PHACTR2: variants seen among roughly 807,000 people sequenced by gnomAD.
PHACTR2 encodes chromosome 6 open reading frame 56.
In PHACTR2, 30 loss-of-function variants were observed where a neutral mutation model predicts 76.0. The ratio of observed to expected loss-of-function variants is 0.39; its 90% confidence interval spans 0.30 to 0.54. PHACTR2 has a LOEUF of 0.54. Among genes scored for constraint, PHACTR2 ranks in the 20% least tolerant of loss-of-function variants. The pLI, the probability that PHACTR2 is intolerant of heterozygous loss-of-function variation, is 0.61. For missense variants in PHACTR2, 696 were observed against 781.1 expected (o/e 0.89, Z 1.30); for synonymous variants, 292 against 292.5 (o/e 1.00, Z 0.02).
chr6:143,538,435 T>G (rs1056646888), intron 1 of PHACTR2, among the ~76,000 whole-genome samples: 1 of 152,240 alleles, frequency 6.6e-6, no homozygotes, highest in Admixed American at 6.5e-5. Flanking sequence ...TGCGTCAAGT[T>G]TCCACCAGTT....
At chr6:143,579,632 A>AC (rs1475297555) in intron 1 of PHACTR2, among the ~76,000 whole-genome samples, 3 of 152,078 alleles carry the variant, frequency 2.0e-5, no homozygotes, top group Non-Finnish European at 4.4e-5. Context: ...ACTCAGTGAG[A>AC]CCTGGGAAGG....
chr6:143,814,957 T>C (rs1444431524), intron 12 of PHACTR2, among the ~76,000 whole-genome samples: 1 of 152,152 alleles, frequency 6.6e-6, no homozygotes, highest in Non-Finnish European at 1.5e-5. Context: ...GAGGTGTTAC[T>C]ATCCTATGTG....
chr6:143,705,725 A>G (rs1247586112), intron 1 of PHACTR2, among the ~76,000 whole-genome samples: 1 of 152,192 alleles, frequency 6.6e-6, no homozygotes, highest in African/African-American at 2.4e-5. Flanking sequence ...CTTATATCAT[A>G]TCAAGAGTAC....
In PHACTR2 at chr6:143,705,878, C is replaced by T. The variant is rs749628485; in HGVS notation, c.47-6138C>T. Reference sequence around the variant, plus strand: ...TTTGGAAGGAAGTCACTATGGATAGCCCACATTTAAGCAGTTAGGAGTTAA... The same window carrying T: ...TTTGGAAGGAAGTCACTATGGATAGTCCACATTTAAGCAGTTAGGAGTTAA... On this transcript the variant is annotated intron_variant, in intron 1 of 12. Transcript: ENST00000440869. Among the ~76,000 whole-genome samples the T allele has an allele frequency of 1.1e-3, 171 of 152,290 alleles. 1 individual carries two copies. The highest frequency in any genetic ancestry group is 1.8e-3 in the Non-Finnish European group (122 of 68,018).
chr6:143,709,494 T>A lies in PHACTR2; in HGVS notation c.47-2522T>A, dbSNP rs1328395937. 6.6e-6 allele frequency among the ~76,000 whole-genome samples: 1 copy of A among 152,236 alleles called. No homozygotes were observed. Among genetic ancestry groups the A allele is most frequent in the Non-Finnish European group, 1.5e-5 (1 of 68,026 alleles). On this transcript the variant is annotated intron_variant, in intron 1 of 12. Transcript: ENST00000440869. The surrounding 1 kb of genome is among the most constrained non-coding windows in gnomAD (Gnocchi z 4.4). The stretch of plus-strand genomic sequence containing the variant: ...TGTCAAGTGATTTTCGATGGAAACT[T>A]GGACATTTTTGTATTATGTTATGTG...
chr6:143,712,486 A>G (rs1456954225), intron 2 of PHACTR2: 1 of 153,910 alleles, frequency 6.5e-6, no homozygotes, highest in Admixed American at 6.5e-5. Flanking sequence ...TGGAAATGCT[A>G]TTCATCAACA....
chr6:143,761,577 A>G lies in PHACTR2; in HGVS notation c.694+937A>G, dbSNP rs1779442807. Among the ~76,000 whole-genome samples the G allele has an allele frequency of 6.6e-6, 1 of 152,116 alleles. No homozygotes were observed. The highest frequency in any genetic ancestry group is 1.5e-5 in the Non-Finnish European group (1 of 68,026). On this transcript the variant is annotated intron_variant, in intron 5 of 12. Transcript: ENST00000440869. This position sits in a 1 kb window ranked among gnomAD's most constrained non-coding sequence, Gnocchi z 5.2. ...GAGACCAACCTGGTCAACATGGTGA[A>G]ACCCTGTCTCTGCTAAAAATACAAG...
intron 1 of PHACTR2, among the ~76,000 whole-genome samples, chr6:143,637,843 C>G (rs1205482200): frequency 6.6e-6 from 1 of 152,168 alleles, no homozygotes; most frequent in Non-Finnish European, 1.5e-5. Flanking sequence ...CTTTGGCAAA[C>G]GTGATAACAT....
chr6:143,653,644 C>G lies in PHACTR2; in HGVS notation c.13+45322C>G, dbSNP rs1776799906. 6.6e-6 allele frequency among the ~76,000 whole-genome samples: 1 copy of G among 151,408 alleles called. No individual in the cohort carries two copies. The highest frequency in any genetic ancestry group is 1.5e-5 in the Non-Finnish European group (1 of 67,916). On this transcript the variant is annotated intron_variant, in intron 1 of 11. Transcript: ENST00000305766. This position sits in a 1 kb window ranked among gnomAD's most constrained non-coding sequence, Gnocchi z 4.9. ...AGAAATGTCTTATCAGCAAACAGTGCTAGGGCAACTAGATATCTATGTGAA... is the reference window on the plus strand; with the variant it reads ...AGAAATGTCTTATCAGCAAACAGTGGTAGGGCAACTAGATATCTATGTGAA...
At chr6:143,657,500 C>A (rs747736128) in intron 1 of PHACTR2, among the ~76,000 whole-genome samples, 7 of 152,096 alleles carry the variant, frequency 4.6e-5, no homozygotes, top group African/African-American at 7.2e-5. Flanking sequence ...TTCTTACACT[C>A]AGGAAAATGG....
Position 143,712,202 on chromosome 6 carries a change from G to A in PHACTR2, c.214+19G>A. On this transcript the variant is annotated intron_variant, in intron 2 of 12. Coordinates refer to ENST00000440869, the MANE Select transcript of PHACTR2 (RefSeq NM_001100164.2). ...TCGGCAGGTATGAGTATCATAACTT[G>A]TTAGAAGATGGGATAAATTGTAAAA... is the stretch of plus-strand genomic sequence containing the variant. 7.3e-7 allele frequency: 1 copy of A among 1,378,290 alleles called. No homozygotes were observed. Among genetic ancestry groups the A allele is most frequent in the South Asian group, 2.0e-5 (1 of 50,546 alleles). The allele number at this position is 1,378,290 out of a possible 1,614,324, so 85.4% of individuals were successfully genotyped here.
At chr6:143,600,605 T>A (rs2128435745) in intron 1 of PHACTR2, among the ~76,000 whole-genome samples, 1 of 152,386 alleles carries the variant, frequency 6.6e-6, no homozygotes, top group Middle Eastern at 3.4e-3. Context: ...CCTTCAGGAA[T>A]AATTTTTAAA....
At position 143,753,807 on chromosome 6, in the gene PHACTR2, G is replaced by A. The variant is rs373703877; in HGVS notation, c.349G>A (p.Gly117Arg). 12 of 1,612,438 alleles carry A rather than the reference G, an allele frequency of 7.4e-6. No individual in the cohort carries two copies. Among genetic ancestry groups the A allele is most frequent in the South Asian group, 5.5e-5 (5 of 90,864 alleles). Residue 117 changes from glycine (G) to arginine (R), a missense_variant, in exon 4 of 13, where the codon GGA (glycine) becomes AGA (arginine). Transcript: ENST00000440869. The surrounding 1 kb of genome is among the most constrained non-coding windows in gnomAD (Gnocchi z 4.6). ...ENSNGHMIPI[G>R]EESTREENVV... ...TTCAAACGGGCACATGATACCCATC[G>A]GAGAGGAATCTACCCGAGAGGAAAA...
chr6:143,685,840 T>C (rs2128454563), intron 1 of PHACTR2, among the ~76,000 whole-genome samples: 1 of 152,200 alleles, frequency 6.6e-6, no homozygotes, highest in East Asian at 1.9e-4. Context: ...AGTCATAAAA[T>C]GTGCACTTAG....
rs896335798 is a variant in PHACTR2, at chr6:143,679,568, A to G, written c.46+1359A>G. 6.6e-6 allele frequency among the ~76,000 whole-genome samples: 1 copy of G among 152,214 alleles called. No homozygotes were observed. Among genetic ancestry groups the G allele is most frequent in the South Asian group, 2.1e-4 (1 of 4,826 alleles). ...TATTTTTACATTTGTGCACCGGCGA[A>G]GATAGAATTAAATCTGTACTCCAAT... On this transcript the variant is annotated intron_variant, in intron 1 of 12. Coordinates refer to ENST00000440869, the MANE Select transcript of PHACTR2 (RefSeq NM_001100164.2). The surrounding 1 kb of genome is among the most constrained non-coding windows in gnomAD (Gnocchi z 4.6).
At chr6:143,632,675 T>C (rs1161285376) in intron 1 of PHACTR2, among the ~76,000 whole-genome samples, 2 of 152,226 alleles carry the variant, frequency 1.3e-5, no homozygotes, top group Non-Finnish European at 2.9e-5. Flanking sequence ...TATAATGACA[T>C]ACATTCACTG....
intron 1 of PHACTR2, among the ~76,000 whole-genome samples, chr6:143,563,396 C>CTACTAAAAA (rs112756803): frequency 0.59 from 88,357 of 150,942 alleles, 26,411 homozygotes; most frequent in Middle Eastern, 0.7. Flanking sequence ...AACCGCATCT[C>CTACTAAAAA]TACGAAAAAT....
At chr6:143,813,947 G>C (rs1358216122) in intron 12 of PHACTR2, among the ~76,000 whole-genome samples, 1 of 152,172 alleles carries the variant, frequency 6.6e-6, no homozygotes, top group East Asian at 1.9e-4. Context: ...ACCTACTGGT[G>C]ACTGGAATCC....
Position 143,619,674 on chromosome 6 carries a change from A to T in PHACTR2, c.13+11352A>T, listed in dbSNP as rs1776118078. ...AGACTTGCTTAAAACTGTACACCCA[A>T]CTTGTCTTTAATTTACCACCTGCTG... On this transcript the variant is annotated intron_variant, in intron 1 of 11. Transcript: ENST00000305766. This position sits in a 1 kb window ranked among gnomAD's most constrained non-coding sequence, Gnocchi z 4.5. 1.3e-5 allele frequency among the ~76,000 whole-genome samples: 2 copies of T among 152,148 alleles called. No individual in the cohort carries two copies. The highest frequency in any genetic ancestry group is 2.1e-4 in the South Asian group (1 of 4,826).
Sources: gnomAD v4.1 joint callset for allele counts (sites outside exome capture counted in the v4.1 genomes callset) on GRCh38, gnomAD v4.1.1 for gene constraint, Gnocchi (gnomAD v3.1) non-coding constraint, MANE v1.5 for transcripts, NCBI Gene and HGNC (gene_info 2026-07-23, HGNC 2026-07-21) for gene names.